MALRD1: variants seen among roughly 807,000 people sequenced by gnomAD.
The protein encoded by MALRD1 is MAM and LDL-receptor class A domain-containing protein 1.
MALRD1 carries 247 observed loss-of-function variants against 242.1 expected under a neutral mutation model. The observed-to-expected ratio is 1.02, with a 90% confidence interval of 0.92 to 1.13. MALRD1 has a LOEUF of 1.13. MALRD1 is among the 50% of genes most tolerant of loss of function. The pLI is 0.00. For missense variants in MALRD1, 2,989 were observed against 2,533.1 expected (o/e 1.18, Z -3.86); for synonymous variants, 995 against 866.6 (o/e 1.15, Z -2.60).
chr10:19,545,991 A>G (rs1005313126), intron 32 of MALRD1, among the ~76,000 whole-genome samples: 1 of 152,182 alleles, frequency 6.6e-6, no homozygotes, highest in African/African-American at 2.4e-5. Context: ...CCTGTTAGGT[A>G]TGACTGACAC....
At chr10:19,686,944 AG>A (rs1288542402) in intron 36 of MALRD1, among the ~76,000 whole-genome samples, 1 of 152,176 alleles carries the variant, frequency 6.6e-6, no homozygotes, top group Non-Finnish European at 1.5e-5. Context: ...GCCCCATAAA[AG>A]CTCAAAATAC....
chr10:19,656,809 A>G (rs1841174293), intron 36 of MALRD1, among the ~76,000 whole-genome samples: 1 of 152,092 alleles, frequency 6.6e-6, no homozygotes, highest in Non-Finnish European at 1.5e-5. Context: ...GTCTTCTTGA[A>G]GCATTTTATT....
chr10:19,711,401 G>T (rs1834107392), intron 38 of MALRD1: 1 of 152,158 alleles, frequency 6.6e-6, no homozygotes, highest in Non-Finnish European at 1.5e-5. Context: ...TAGGGGCTAG[G>T]AATATAAGAA....
At chr10:19,670,658 T>G (rs2131759277) in intron 36 of MALRD1, among the ~76,000 whole-genome samples, 1 of 152,306 alleles carries the variant, frequency 6.6e-6, no homozygotes, top group Middle Eastern at 3.4e-3. Flanking sequence ...GTCCTCACAC[T>G]GGCACTACAA....
At chr10:19,218,193 A>C (rs1028467546) in intron 18 of MALRD1, among the ~76,000 whole-genome samples, 2 of 152,086 alleles carry the variant, frequency 1.3e-5, no homozygotes, top group African/African-American at 4.8e-5. Context: ...CAATTTATTA[A>C]TTTTCTCTGT....
At chr10:19,721,097 TGG>T (rs1834725060) in intron 38 of MALRD1, among the ~76,000 whole-genome samples, 1 of 152,074 alleles carries the variant, frequency 6.6e-6, no homozygotes, top group South Asian at 2.1e-4. Flanking sequence ...AACAGTACAC[TGG>T]TTAAGAAACA....
At chr10:19,347,317 A>G (rs940309262) in intron 24 of MALRD1, among the ~76,000 whole-genome samples, 4 of 152,184 alleles carry the variant, frequency 2.6e-5, no homozygotes, top group Non-Finnish European at 4.4e-5. Flanking sequence ...CTGTTTCACA[A>G]TTTTCTCTAA....
In MALRD1 at chr10:19,719,242, A is replaced by ATATATG. The variant is rs1402452413; in HGVS notation, c.6315-11459_6315-11458insGTATAT. Among the ~76,000 whole-genome samples, 32 of 119,732 alleles carry ATATATG rather than the reference A, an allele frequency of 2.7e-4. 1 individual carries two copies. The highest frequency in any genetic ancestry group is 1.0e-3 in the South Asian group (4 of 3,994). The allele number at this position is 119,732 out of a possible 152,430, so 78.5% of individuals were successfully genotyped here. ...TACATACATATATATATATATATAT[A>ATATATG]TATATATATATATATATGCTATCAA... On this transcript the variant is annotated intron_variant, in intron 38 of 39. Transcript: ENST00000454679.
At position 19,294,496 on chromosome 10, in the gene MALRD1, A is replaced by T. The variant is rs1036790910; in HGVS notation, c.3419+11315A>T. Among the ~76,000 whole-genome samples the T allele has an allele frequency of 3.9e-5, 6 of 152,220 alleles. No homozygotes were observed. The East Asian group carries it at 1.2e-3, about 29-fold the overall frequency. On this transcript the variant is annotated intron_variant, in intron 21 of 39. Transcript: ENST00000454679. ...TTCATAGATTGTATTGACTAGGCAT[A>T]CCATTTATCCTTAACATTAGTCATA...
At chr10:19,361,422 C>A (rs1291456160) in intron 26 of MALRD1, among the ~76,000 whole-genome samples, 1 of 152,070 alleles carries the variant, frequency 6.6e-6, no homozygotes, top group African/African-American at 2.4e-5. Flanking sequence ...TAAAGAGCTG[C>A]CATATCAGCC....
At chr10:19,353,112 TCCTC>T (rs1760760682) in intron 26 of MALRD1, among the ~76,000 whole-genome samples, 2 of 152,012 alleles carry the variant, frequency 1.3e-5, no homozygotes, top group South Asian at 4.2e-4. Flanking sequence ...GCTCAATTGA[TCCTC>T]CCGCCTCAGC....
chr10:19,133,136 A>G (rs1833181425), intron 8 of MALRD1, among the ~76,000 whole-genome samples: 1 of 152,146 alleles, frequency 6.6e-6, no homozygotes, highest in African/African-American at 2.4e-5. Context: ...ATGGAGTTTC[A>G]CCATAGACTT....
At chr10:19,448,119 T>C (rs1835103854) in intron 28 of MALRD1, among the ~76,000 whole-genome samples, 1 of 152,216 alleles carries the variant, frequency 6.6e-6, no homozygotes, top group African/African-American at 2.4e-5. Context: ...TTATTAGCAT[T>C]AGTTCCCTGA....
Position 19,734,286 on chromosome 10 carries a change from G to A in MALRD1, c.*49G>A. 1 of 1,435,400 alleles carries A rather than the reference G, an allele frequency of 7.0e-7. No individual in the cohort carries two copies. Among genetic ancestry groups the A allele is most frequent in the Non-Finnish European group, 9.5e-7 (1 of 1,057,214 alleles). 88.9% of individuals were successfully genotyped at this position (1,435,400 alleles called of 1,614,324 possible). A position where few individuals can be genotyped will look rare whatever the true frequency, so the allele number is the denominator to read the frequency against. ...CAACATGTGTAGTTTCTAGAAAATTGAAGTCTCCACAATCTGATAGAAACT... is the reference window on the plus strand; with the variant it reads ...CAACATGTGTAGTTTCTAGAAAATTAAAGTCTCCACAATCTGATAGAAACT... On this transcript the variant is annotated 3_prime_UTR_variant, in exon 40 of 40. Coordinates refer to ENST00000454679, the MANE Select transcript of MALRD1 (RefSeq NM_001142308.3).
At chr10:19,383,576 T>C (rs1845928766) in intron 26 of MALRD1, among the ~76,000 whole-genome samples, 4 of 152,082 alleles carry the variant, frequency 2.6e-5, no homozygotes, top group Admixed American at 2.6e-4. Flanking sequence ...ATAATGAATA[T>C]GAATTGAGAG....
rs1342695868 is a variant in MALRD1, at chr10:19,531,280, G to T, written c.5407G>T (p.Ala1803Ser). 1.3e-6 allele frequency: 2 copies of T among 1,550,230 alleles called. No homozygotes were observed. The highest frequency in any genetic ancestry group is 1.7e-6 in the Non-Finnish European group (2 of 1,146,858). Residue 1803 changes from alanine (A) to serine (S), a missense_variant, in exon 32 of 40, where the codon GCA becomes TCA. Physicochemically the swap from Ala to Ser is moderately conservative, Grantham distance 99 (BLOSUM62 1). Coordinates refer to ENST00000454679, the MANE Select transcript of MALRD1 (RefSeq NM_001142308.3). The part of the protein sequence containing the change: ...ARITTSKSFP[A>S]SLGMCTVRFW... Reference sequence around the variant, plus strand: ...AATTACTACTTCCAAATCCTTCCCAGCAAGCCTTGGAATGTGTACTGTTCG... The same window carrying T: ...AATTACTACTTCCAAATCCTTCCCATCAAGCCTTGGAATGTGTACTGTTCG...
intron 36 of MALRD1, among the ~76,000 whole-genome samples, chr10:19,678,152 G>A (rs1842213009): frequency 6.6e-6 from 1 of 152,078 alleles, no homozygotes; most frequent in Admixed American, 6.6e-5. Context: ...GGGTATATTG[G>A]CTCTTTTTTG....
In MALRD1 at chr10:19,357,109, G is replaced by GAA. The variant is rs11402108; in HGVS notation, c.4441+4822_4441+4823dup. Among the ~76,000 whole-genome samples, 109 of 146,418 alleles carry GAA rather than the reference G, an allele frequency of 7.4e-4. 1 individual carries two copies. In the South Asian group the frequency reaches 8.5e-3, roughly 11 times the overall value. ...TGGGCGACAGAGTGAGACTCTGTCTGAAAAAAAAAAATAAAAAACAAAACA... is the reference window on the plus strand; with the variant it reads ...TGGGCGACAGAGTGAGACTCTGTCTGAAAAAAAAAAAAATAAAAAACAAAACA... On this transcript the variant is annotated intron_variant, in intron 26 of 39. Transcript: ENST00000454679.
chr10:19,268,156 T>C (rs1055916404), intron 19 of MALRD1, among the ~76,000 whole-genome samples: 4 of 152,100 alleles, frequency 2.6e-5, no homozygotes, highest in African/African-American at 9.7e-5. Context: ...CATTCAAATA[T>C]AGTAGAATGC....
Sources: gnomAD v4.1 joint callset for allele counts (sites outside exome capture counted in the v4.1 genomes callset) on GRCh38, gnomAD v4.1.1 for gene constraint, MANE v1.5 for transcripts, NCBI Gene and HGNC (gene_info 2026-07-23, HGNC 2026-07-21) for gene names.